Variants in CHD7 observed in about 807,000 individuals in gnomAD.
The protein encoded by CHD7 is ATP-dependent chromatin remodeler CHD7.
A neutral mutation model predicts 307.3 loss-of-function variants in CHD7; 24 were observed. The ratio of observed to expected loss-of-function variants is 0.08; its 90% CI spans 0.06 to 0.11. The LOEUF is 0.11. Ranked by LOEUF, CHD7 falls within the 10% of genes least tolerant of loss-of-function variation. CHD7 has a pLI of 1.00. For synonymous variants in CHD7, 1,363 were observed against 1,349.9 expected, an observed-to-expected ratio of 1.01 and a Z score of -0.21; for missense variants, 3,106 against 3,727.1, an observed-to-expected ratio of 0.83 and a Z score of 4.34.
intron 13 of CHD7, among the ~76,000 whole-genome samples, chr8:60,828,181 A>G (rs1804341117): frequency 6.6e-6 from 1 of 152,340 alleles, no homozygotes; most frequent in South Asian, 2.1e-4. Context: ...AAATTTTTGC[A>G]GAACAAAATA....
Position 60,856,456 on chromosome 8 carries a change from C to G in CHD7, c.7176C>G (p.Leu2392=). The change falls in exon 34 of 38, where the codon CTC becomes CTG. Residue 2392 remains leucine, a synonymous_variant. Transcript: ENST00000423902. The part of the protein sequence containing the change: ...TSPQLSKEDA[L]NLSVPRQRRR... ...GAATTTTTCAATAGGAAGATGCCCT[C>G]AACCTCTCTGTCCCTCGCCAGCGGA... 1 of 1,610,972 alleles carries G rather than the reference C, an allele frequency of 6.2e-7. No individual in the cohort carries two copies. Among genetic ancestry groups the G allele is most frequent in the Non-Finnish European group, 8.5e-7 (1 of 1,178,194 alleles).
At chr8:60,731,216 C>CCTAA (rs546282520) in intron 1 of CHD7, among the ~76,000 whole-genome samples, 1,100 of 7,836 alleles carry the variant, frequency 0.14, 10 homozygotes, top group African/African-American at 0.35. Flanking sequence ...GGTAAAAGCT[C>CCTAA]ATAAAGAAAA....
At chr8:60,745,506 C>G (rs1234033027) in intron 2 of CHD7, among the ~76,000 whole-genome samples, 7 of 112,002 alleles carry the variant, frequency 6.2e-5, no homozygotes, top group Non-Finnish European at 1.3e-4. Context: ...AGCCCACATG[C>G]ATTCCCTCCT....
chr8:60,856,540 C>T lies in CHD7; in HGVS notation c.7260C>T (p.Leu2420=). The change falls in exon 34 of 38, where the codon CTC becomes CTT. Residue 2420 remains leucine (L), a synonymous_variant. Transcript: ENST00000423902. ...EAERAAKRRN[L]MEMVAQLRES... ...AAAGAGCTGCCAAGAGGCGAAATCT[C>T]ATGGAGATGGTTGCCCAGCTTCGAG... The T allele has an allele frequency of 6.2e-7, 1 of 1,613,970 alleles. No homozygotes were observed. The highest frequency in any genetic ancestry group is 1.1e-5 in the South Asian group (1 of 91,078).
intron 1 of CHD7, among the ~76,000 whole-genome samples, chr8:60,714,439 C>T (rs552876589): frequency 5.0e-5 from 7 of 138,874 alleles, no homozygotes; most frequent in Admixed American, 2.8e-4. Context: ...CCCCGCACAC[C>T]GCCAGGCCTC....
chr8:60,716,513 G>A (rs1807608271), intron 1 of CHD7, among the ~76,000 whole-genome samples: 1 of 152,176 alleles, frequency 6.6e-6, no homozygotes, highest in Non-Finnish European at 1.5e-5. Context: ...GCCTCGTAGG[G>A]CCTGCTGGGC....
intron 7 of CHD7, 74 bp downstream of exon 7, chr8:60,808,346 G>A (rs1336092562): frequency 1.1e-6 from 1 of 933,138 alleles, no homozygotes; most frequent in Admixed American, 2.6e-5. Flanking sequence ...TTTTTTTAAA[G>A]TTGGGAAATT....
At chr8:60,746,583 A>G (rs1294969722) in intron 2 of CHD7, among the ~76,000 whole-genome samples, 5 of 152,356 alleles carry the variant, frequency 3.3e-5, no homozygotes, top group Non-Finnish European at 5.9e-5. Context: ...TTGATAATGA[A>G]AATATCACTT....
intron 8 of CHD7, among the ~76,000 whole-genome samples, chr8:60,819,287 A>T (rs1332117773): frequency 6.6e-6 from 1 of 152,090 alleles, no homozygotes; most frequent in Non-Finnish European, 1.5e-5. Flanking sequence ...CTAGTGTTTT[A>T]TATGAGATAC....
chr8:60,697,459 G>T (rs950760013), intron 1 of CHD7, among the ~76,000 whole-genome samples: 2 of 152,062 alleles, frequency 1.3e-5, no homozygotes, highest in Admixed American at 6.5e-5. Context: ...GATAAGAAAA[G>T]GAAAAACAGA....
At chr8:60,785,600 A>G (rs970301461) in intron 3 of CHD7, among the ~76,000 whole-genome samples, 1 of 152,184 alleles carries the variant, frequency 6.6e-6, no homozygotes, top group Non-Finnish European at 1.5e-5. Context: ...TACCTGAGAA[A>G]TACTTTTACT....
intron 13 of CHD7, among the ~76,000 whole-genome samples, chr8:60,825,602 G>A (rs1007666464): frequency 1.3e-5 from 2 of 152,208 alleles, no homozygotes; most frequent in African/African-American, 4.8e-5. Context: ...ACTAATGCTT[G>A]TGATATAACC....
intron 1 of CHD7, among the ~76,000 whole-genome samples, chr8:60,680,006 G>T (rs1368256408): frequency 6.6e-6 from 1 of 151,838 alleles, no homozygotes; most frequent in Non-Finnish European, 1.5e-5. Context: ...GGGAGGCGCG[G>T]CGAGGAGGGG....
Position 60,800,487 on chromosome 8 carries a change from A to T in CHD7, c.2338A>T (p.Arg780Trp). 1 of 1,613,864 alleles carries T rather than the reference A, an allele frequency of 6.2e-7. No individual in the cohort carries two copies. Among genetic ancestry groups the T allele is most frequent in the South Asian group, 1.1e-5 (1 of 91,064 alleles). Residue 780 changes from arginine to tryptophan, a missense_variant, in exon 5 of 38, where the codon AGG becomes TGG. By Grantham distance (101) the Arg-to-Trp change is moderately radical (BLOSUM62 -3). Around this residue, in one of 10 missense-constraint regions of CHD7, gnomAD observed 998 missense variants for 1,004.5 expected, o/e 0.99. Transcript: ENST00000423902. ...GGCAGATGATGCAGATGCTGCTGGG[A>T]GGGATTCCCCCTCCAACACCTCCCA... Reference protein sequence around the residue: ...EEADDADAAGRDSPSNTSQSE... With the variant: ...EEADDADAAGWDSPSNTSQSE...
chr8:60,860,006 C>T (rs1248713371), intron 34 of CHD7, among the ~76,000 whole-genome samples: 1 of 150,566 alleles, frequency 6.6e-6, no homozygotes, highest in Non-Finnish European at 1.5e-5. Flanking sequence ...ATTGCAATAA[C>T]CTGGGTGGGA....
chr8:60,729,380 T>C (rs1368006253), intron 1 of CHD7, among the ~76,000 whole-genome samples: 1 of 152,246 alleles, frequency 6.6e-6, no homozygotes, highest in South Asian at 2.1e-4. Context: ...TTTCAAATGA[T>C]TTCTGAGTAA....
chr8:60,742,781 T>G lies in CHD7; in HGVS notation c.1349T>G (p.Met450Arg), dbSNP rs762891322. The change falls in exon 2 of 38, where the codon ATG becomes AGG. Residue 450 changes from methionine (M) to arginine (R), a missense_variant. This residue lies in a region of CHD7 where 998 missense variants were observed against 1,004.5 expected (regional missense o/e 0.99). Transcript: ENST00000423902. ...GCCATGGGAATCGGACAGAGGAATA[T>G]GGGCCCCAGAAACATGCAGCAGTCT... ...PGAMGIGQRN[M>R]GPRNMQQSRP... 5.6e-6 allele frequency: 9 copies of G among 1,614,046 alleles called. No individual in the cohort carries two copies. Among genetic ancestry groups the G allele is most frequent in the Non-Finnish European group, 7.6e-6 (9 of 1,179,888 alleles).
intron 37 of CHD7, chr8:60,864,812 G>A: frequency 1.7e-6 from 1 of 585,742 alleles, no homozygotes; most frequent in South Asian, 2.1e-5. Flanking sequence ...GAGTAGCCTT[G>A]AGCAATTTTT....
intron 1 of CHD7, among the ~76,000 whole-genome samples, chr8:60,718,000 C>T (rs767840172): frequency 6.6e-6 from 1 of 151,946 alleles, no homozygotes; most frequent in Non-Finnish European, 1.5e-5. Context: ...TCAGGCAGGT[C>T]CTTCAGGGGA....
Sources: gnomAD v4.1 joint callset for allele counts (sites outside exome capture counted in the v4.1 genomes callset) on GRCh38, gnomAD v4.1.1 for gene constraint, gnomAD v4.1.1 regional missense constraint, MANE v1.5 for transcripts, NCBI Gene and HGNC (gene_info 2026-07-23, HGNC 2026-07-21) for gene names.